The following PPP2R5E variants were observed in gnomAD, a reference collection of about 807,000 sequenced individuals.
PPP2R5E encodes protein phosphatase 2 regulatory subunit B'epsilon.
PPP2R5E carries 4 observed loss-of-function variants against 65.3 expected under a neutral mutation model. The observed-to-expected ratio is 0.06, with a 90% CI of 0.03 to 0.14. The LOEUF (loss-of-function observed/expected upper bound fraction) is 0.14, where lower values mean the gene tolerates loss of function less well. Among genes scored for constraint, PPP2R5E ranks in the 10% least tolerant of loss-of-function variants. The probability of loss-of-function intolerance (pLI) is 1.00; values close to 1 mark genes in which losing one functional copy is unlikely to be tolerated. For synonymous variants in PPP2R5E, 183 were observed against 187.4 expected, an observed-to-expected ratio of 0.98 and a Z score of 0.19; for missense variants, 274 against 556.1, an observed-to-expected ratio of 0.49 and a Z score of 5.10.
chr14:63,377,668 T>G (rs1884068155), intron 13 of PPP2R5E, among the ~76,000 whole-genome samples: 1 of 152,190 alleles, frequency 6.6e-6, no homozygotes, highest in African/African-American at 2.4e-5. Flanking sequence ...TAGGTAATAT[T>G]TTCATAACTT....
chr14:63,436,038 G>T (rs948654240), intron 3 of PPP2R5E, among the ~76,000 whole-genome samples: 1 of 152,158 alleles, frequency 6.6e-6, no homozygotes, highest in African/African-American at 2.4e-5. Flanking sequence ...GTACCGCCTG[G>T]GTTGGCCTCA....
At chr14:63,413,163 C>T (rs570839158) in intron 5 of PPP2R5E, among the ~76,000 whole-genome samples, 1 of 152,138 alleles carries the variant, frequency 6.6e-6, no homozygotes, top group Admixed American at 6.6e-5. Context: ...CTGATGTTTT[C>T]GTATTATAAG....
intron 2 of PPP2R5E, among the ~76,000 whole-genome samples, chr14:63,473,802 T>G (rs1890257417): frequency 6.6e-6 from 1 of 152,232 alleles, no homozygotes; most frequent in South Asian, 2.1e-4. Context: ...TTAACCCACA[T>G]GCATTTGACT....
intron 2 of PPP2R5E, among the ~76,000 whole-genome samples, chr14:63,461,625 C>T (rs1481289046): frequency 7.0e-6 from 1 of 142,264 alleles, no homozygotes; most frequent in Middle Eastern, 3.2e-3. Context: ...AGCGAGATCG[C>T]GTCTCTACAA....
intron 12 of PPP2R5E, 24 bp from the exon 13 acceptor site, chr14:63,382,181 G>A (rs757761194): frequency 6.3e-7 from 1 of 1,579,044 alleles, no homozygotes; most frequent in South Asian, 1.1e-5. Context: ...AAAAAAAGGA[G>A]TGTGTTAGTT....
intron 3 of PPP2R5E, among the ~76,000 whole-genome samples, chr14:63,433,099 G>A (rs1273177206): frequency 1.4e-5 from 2 of 143,510 alleles, no homozygotes; most frequent in African/African-American, 2.6e-5. Context: ...GTGCAGTGGT[G>A]CGATTACAGC....
intron 5 of PPP2R5E, among the ~76,000 whole-genome samples, chr14:63,406,626 T>C (rs1408516398): frequency 6.6e-6 from 1 of 152,208 alleles, no homozygotes; most frequent in Non-Finnish European, 1.5e-5. Context: ...CCAACACTAC[T>C]TAATCATGTA....
At chr14:63,384,363 G>C (rs1884534777) in intron 12 of PPP2R5E, 81 bp downstream of exon 12, 1 of 1,482,666 alleles carries the variant, frequency 6.7e-7, no homozygotes, top group Non-Finnish European at 9.4e-7. Flanking sequence ...AACAAGGACA[G>C]CATCTGGCAC....
rs113319727 is a variant in PPP2R5E, at chr14:63,468,360, TG to T, written c.158-14476del. On this transcript the variant is annotated intron_variant, in intron 2 of 13. Coordinates refer to ENST00000337537, the MANE Select transcript of PPP2R5E (RefSeq NM_006246.5). The stretch of plus-strand genomic sequence containing the variant: ...TAAGCATATTTGAAGAAAATAATAT[TG>T]ACCTTGACCTACTAATATAATACCC... Among the ~76,000 whole-genome samples the T allele has an allele frequency of 1.9e-3, 284 of 152,346 alleles. 2 individuals carry two copies. The highest frequency in any genetic ancestry group is 6.4e-3 in the African/African-American group (268 of 41,572).
rs538826792 is a variant in PPP2R5E, at chr14:63,522,531, G to A, written c.157+16998C>T. Among the ~76,000 whole-genome samples, 90 of 151,664 alleles carry A rather than the reference G, an allele frequency of 5.9e-4. 1 individual carries two copies. Among genetic ancestry groups the A allele is most frequent in the African/African-American group, 1.8e-3 (74 of 41,340 alleles). ...TCTTCCCGGCCGCCATCCCATCTAG[G>A]AAGTGAGGAGCGTCTCTGCCCGGCC... On this transcript the variant is annotated intron_variant, in intron 2 of 13. Transcript: ENST00000337537.
intron 2 of PPP2R5E, among the ~76,000 whole-genome samples, chr14:63,534,272 A>G (rs1893567487): frequency 1.3e-5 from 2 of 152,110 alleles, no homozygotes; most frequent in Admixed American, 6.6e-5. Context: ...AAGTGTAAGG[A>G]AAGTATCCAA....
rs1002600130 is a variant in PPP2R5E, at chr14:63,400,190, C to A, written c.550-3474G>T. ...TGCTTATTAAAAGCCAGCCAGTGGG[C>A]GAGCTGTCAGGGATACAATGATAAG... On this transcript the variant is annotated intron_variant, in intron 5 of 13. Coordinates refer to ENST00000337537, the MANE Select transcript of PPP2R5E (RefSeq NM_006246.5). 2.6e-5 allele frequency among the ~76,000 whole-genome samples: 4 copies of A among 152,234 alleles called. No homozygotes were observed. In the South Asian group the frequency reaches 6.2e-4, roughly 24 times the overall value.
chr14:63,495,225 T>C (rs1435920412), intron 2 of PPP2R5E, among the ~76,000 whole-genome samples: 1 of 146,716 alleles, frequency 6.8e-6, no homozygotes, highest in East Asian at 2.1e-4. Context: ...ACAAAAAAAT[T>C]CATAAAAATA....
chr14:63,495,299 C>T (rs1269446081), intron 2 of PPP2R5E, among the ~76,000 whole-genome samples: 4 of 149,700 alleles, frequency 2.7e-5, no homozygotes, highest in South Asian at 2.1e-4. Context: ...TGGCCAGGCA[C>T]GGTGGTTCAC....
At chr14:63,467,785 C>T (rs1889912456) in intron 2 of PPP2R5E, among the ~76,000 whole-genome samples, 1 of 152,240 alleles carries the variant, frequency 6.6e-6, no homozygotes, top group South Asian at 2.1e-4. Context: ...GTCACACACA[C>T]ACAGACTTTG....
At chr14:63,388,643 TTGCGGTACAAC>T (rs1884824041) in intron 11 of PPP2R5E, among the ~76,000 whole-genome samples, 1 of 152,242 alleles carries the variant, frequency 6.6e-6, no homozygotes, top group Admixed American at 6.5e-5. Context: ...TTTTCTTGCT[TTGCGGTACAAC>T]TGCTAGACTG....
chr14:63,444,003 CA>C (rs1287045598), intron 3 of PPP2R5E, among the ~76,000 whole-genome samples: 1 of 152,190 alleles, frequency 6.6e-6, no homozygotes, highest in Non-Finnish European at 1.5e-5. Flanking sequence ...CAGCCTCCTC[CA>C]ATCTCTCTGT....
intron 2 of PPP2R5E, among the ~76,000 whole-genome samples, chr14:63,508,669 G>C (rs1314891204): frequency 1.3e-5 from 2 of 152,182 alleles, no homozygotes; most frequent in Admixed American, 1.3e-4. Flanking sequence ...TCCCCAAAAG[G>C]GGATGTTCTT....
chr14:63,484,537 C>CA (rs1890889069), intron 2 of PPP2R5E, among the ~76,000 whole-genome samples: 1 of 151,652 alleles, frequency 6.6e-6, no homozygotes, highest in Admixed American at 6.6e-5. Flanking sequence ...TATTCAAAAG[C>CA]AAAAAAAGCA....
Sources: allele counts gnomAD v4.1 joint callset (sites outside exome capture counted in the v4.1 genomes callset), GRCh38; gene constraint gnomAD v4.1.1; transcripts MANE v1.5; gene names NCBI Gene and HGNC (gene_info 2026-07-23, HGNC 2026-07-21).